The following CACNA1E variants were observed in gnomAD, a reference collection of about 807,000 sequenced individuals.
The protein encoded by CACNA1E is calcium voltage-gated channel subunit alpha1 E, also known as voltage-dependent R-type calcium channel subunit alpha-1E.
A neutral mutation model predicts 259.2 loss-of-function variants in CACNA1E; 40 were observed. That is an observed-to-expected ratio of 0.15 (90% CI 0.12 to 0.20). The LOEUF is 0.20. Ranked by LOEUF, CACNA1E falls within the 10% of genes least tolerant of loss-of-function variation. The probability of loss-of-function intolerance (pLI) is 1.00; values close to 1 mark genes in which losing one functional copy is unlikely to be tolerated. For synonymous variants in CACNA1E, 1,104 were observed against 1,138.5 expected (o/e 0.97, Z 0.61); for missense variants, 1,874 against 3,040.1 (o/e 0.62, Z 9.02).
intron 7 of CACNA1E, among the ~76,000 whole-genome samples, chr1:181,693,012 TACAC>T (rs933874510): frequency 2.0e-5 from 3 of 149,900 alleles, no homozygotes; most frequent in Non-Finnish European, 3.0e-5. Context: ...TTTTAAAAGA[TACAC>T]AAGCAACCAA....
chr1:181,762,004 A>G (rs1658620935), intron 32 of CACNA1E, among the ~76,000 whole-genome samples: 1 of 152,262 alleles, frequency 6.6e-6, no homozygotes. Context: ...AAAAGGCTCA[A>G]TGGAGTTAGG....
upstream of CACNA1E, among the ~76,000 whole-genome samples, chr1:181,479,206 A>G (rs1034652334): frequency 3.9e-5 from 6 of 152,190 alleles, no homozygotes; most frequent in East Asian, 1.2e-3. Context: ...GGTGAAATTT[A>G]GTACCTCAAC....
At chr1:181,396,770 G>A (rs1167476857) in intron 1 of CACNA1E, among the ~76,000 whole-genome samples, 1 of 152,218 alleles carries the variant, frequency 6.6e-6, no homozygotes. Flanking sequence ...CGCTAAAACA[G>A]ATAAAATTAC....
At chr1:181,566,920 G>T (rs547359499) in intron 3 of CACNA1E, among the ~76,000 whole-genome samples, 1 of 152,022 alleles carries the variant, frequency 6.6e-6, no homozygotes, top group Non-Finnish European at 1.5e-5. Flanking sequence ...GTGGGAGGGG[G>T]TTGGCAGGAG....
At chr1:181,476,562 G>T (rs1419418269) in intron 2 of CACNA1E, among the ~76,000 whole-genome samples, 1 of 152,220 alleles carries the variant, frequency 6.6e-6, no homozygotes, top group Non-Finnish European at 1.5e-5. Flanking sequence ...GACCAGGCAA[G>T]ACACGAATCC....
chr1:181,652,028 A>G (rs966324596), intron 7 of CACNA1E: 1 of 152,426 alleles, frequency 6.6e-6, no homozygotes, highest in African/African-American at 2.4e-5. Flanking sequence ...TATACAAGGT[A>G]TAATCATTTG....
At chr1:181,675,796 G>T (rs372145446) in intron 7 of CACNA1E, among the ~76,000 whole-genome samples, 1 of 152,206 alleles carries the variant, frequency 6.6e-6, no homozygotes, top group African/African-American at 2.4e-5. Flanking sequence ...CGGGATTGCC[G>T]TCAGGGGTTG....
At chr1:181,603,465 G>A (rs1286285261) in intron 6 of CACNA1E, among the ~76,000 whole-genome samples, 1 of 152,132 alleles carries the variant, frequency 6.6e-6, no homozygotes, top group Non-Finnish European at 1.5e-5. Context: ...GTTGTGGGGA[G>A]TAGCTAGCTG....
intron 2 of CACNA1E, among the ~76,000 whole-genome samples, chr1:181,426,423 C>T (rs1405486974): frequency 2.6e-5 from 4 of 151,600 alleles, no homozygotes; most frequent in African/African-American, 4.9e-5. Context: ...CAACTCAACC[C>T]CTTCACAACT....
intron 7 of CACNA1E, among the ~76,000 whole-genome samples, chr1:181,685,829 A>T (rs1383006790): frequency 2.6e-5 from 4 of 152,066 alleles, no homozygotes; most frequent in Middle Eastern, 3.4e-3. Context: ...TTTGTACCCC[A>T]CTTGTTTCCT....
At chr1:181,779,798 G>A (rs1019945618) in intron 38 of CACNA1E, among the ~76,000 whole-genome samples, 1 of 136,488 alleles carries the variant, frequency 7.3e-6, no homozygotes, top group South Asian at 2.6e-4. Context: ...ACACACTCAT[G>A]TATGTGTGTA....
At chr1:181,622,468 G>T (rs937085292) in intron 6 of CACNA1E, among the ~76,000 whole-genome samples, 8 of 152,258 alleles carry the variant, frequency 5.3e-5, no homozygotes, top group Non-Finnish European at 7.4e-5. Flanking sequence ...CAAGGTGTTG[G>T]CAGGTTTGTT....
intron 42 of CACNA1E, 74 bp downstream of exon 42, chr1:181,785,492 T>C: frequency 9.5e-7 from 1 of 1,053,904 alleles, no homozygotes; most frequent in African/African-American, 1.6e-5. Context: ...TGTGCCTCCC[T>C]GGGGCATAGT....
intron 7 of CACNA1E, among the ~76,000 whole-genome samples, chr1:181,671,178 T>C (rs1558248747): frequency 6.6e-6 from 1 of 152,240 alleles, no homozygotes; most frequent in East Asian, 1.9e-4. Flanking sequence ...GGACTACAGG[T>C]GCATATCACC....
chr1:181,801,510 C>T lies in CACNA1E; in HGVS notation c.*2676C>T, dbSNP rs1282835259. 2 of 152,304 alleles carry T rather than the reference C, an allele frequency of 1.3e-5. No individual in the cohort carries two copies. Among genetic ancestry groups the T allele is most frequent in the Non-Finnish European group, 2.9e-5 (2 of 68,012 alleles). The allele number at this position is 152,304 out of a possible 1,614,324, so 9.4% of individuals were successfully genotyped here. On this transcript the variant is annotated 3_prime_UTR_variant, in exon 48 of 48. Transcript: ENST00000367573. ...TTCCCTTGACCAAGAAATTGGGTTT[C>T]TTTTCCCTCAGCCTGCACTTACTCT...
chr1:181,802,703 C>T lies in CACNA1E; in HGVS notation c.*3869C>T, dbSNP rs1662365809. 6.6e-6 allele frequency: 1 copy of T among 152,168 alleles called. No individual in the cohort carries two copies. The highest frequency in any genetic ancestry group is 1.5e-5 in the Non-Finnish European group (1 of 68,036). The allele number at this position is 152,168 out of a possible 1,614,324, so 9.4% of individuals were successfully genotyped here. The stretch of plus-strand genomic sequence containing the variant: ...GTAGGGTGTGGGGGTGGACAAAATG[C>T]CCACCTACTGGATAAAAGCTCACTG... On this transcript the variant is annotated 3_prime_UTR_variant, in exon 48 of 48. Coordinates refer to ENST00000367573, the MANE Select transcript of CACNA1E (RefSeq NM_001205293.3).
At chr1:181,389,699 C>G (rs901979574) in intron 1 of CACNA1E, among the ~76,000 whole-genome samples, 6 of 152,206 alleles carry the variant, frequency 3.9e-5, no homozygotes, top group African/African-American at 1.4e-4. Flanking sequence ...ACTCTCAGCT[C>G]CAGCTGGACA....
At chr1:181,696,019 G>A (rs1488617775) in intron 7 of CACNA1E, among the ~76,000 whole-genome samples, 2 of 151,504 alleles carry the variant, frequency 1.3e-5, no homozygotes, top group South Asian at 2.1e-4. Flanking sequence ...AAATTAATTT[G>A]AGAATATCTT....
chr1:181,544,713 C>A (rs1647268535), intron 3 of CACNA1E, among the ~76,000 whole-genome samples: 1 of 152,068 alleles, frequency 6.6e-6, no homozygotes, highest in African/African-American at 2.4e-5. Flanking sequence ...CTATTGTGGC[C>A]CCAAGTGAGC....
Sources: allele counts gnomAD v4.1 joint callset (sites outside exome capture counted in the v4.1 genomes callset), GRCh38; gene constraint gnomAD v4.1.1; transcripts MANE v1.5; gene names NCBI Gene and HGNC (gene_info 2026-07-23, HGNC 2026-07-21).